TAB2: variants seen among roughly 807,000 people sequenced by gnomAD.
TAB2 encodes TGF-beta-activated kinase 1 and MAP3K7-binding protein 2.
Under a neutral mutation model 65.0 loss-of-function variants are expected in TAB2, and 3 were observed. The ratio of observed to expected loss-of-function variants is 0.05; its 90% confidence interval spans 0.02 to 0.12. TAB2 has a LOEUF of 0.12. Among genes scored for constraint, TAB2 ranks in the 10% least tolerant of loss-of-function variants. TAB2 has a pLI of 1.00. For missense variants in TAB2, 623 were observed against 840.3 expected (o/e 0.74, Z 3.20); for synonymous variants, 298 against 285.1 (o/e 1.05, Z -0.46).
At chr6:149,338,062 CTG>C (rs1021545471) in intron 1 of TAB2, among the ~76,000 whole-genome samples, 1 of 152,142 alleles carries the variant, frequency 6.6e-6, no homozygotes, top group Non-Finnish European at 1.5e-5. Flanking sequence ...CTGAGGCCAG[CTG>C]TGTTTTGGGA....
chr6:149,312,912 A>G (rs1445640424), upstream of TAB2, among the ~76,000 whole-genome samples: 1 of 152,170 alleles, frequency 6.6e-6, no homozygotes, highest in African/African-American at 2.4e-5. Context: ...TATTGTAGTC[A>G]CCATGTTGCA....
At chr6:149,227,198 A>G (rs1777299097) in intron 1 of TAB2, among the ~76,000 whole-genome samples, 1 of 152,202 alleles carries the variant, frequency 6.6e-6, no homozygotes. Flanking sequence ...GAATTACAGA[A>G]AGTAGAAATG....
chr6:149,394,544 T>C (rs1032258233), intron 3 of TAB2, among the ~76,000 whole-genome samples: 5 of 152,202 alleles, frequency 3.3e-5, no homozygotes, highest in African/African-American at 7.2e-5. Context: ...GAGACTAAAG[T>C]AAATGGTATT....
intron 1 of TAB2, among the ~76,000 whole-genome samples, chr6:149,278,418 A>G (rs1372591822): frequency 6.6e-6 from 1 of 152,226 alleles, no homozygotes; most frequent in Non-Finnish European, 1.5e-5. Context: ...AAACAACTGT[A>G]TATGTAACTC....
intron 1 of TAB2, among the ~76,000 whole-genome samples, chr6:149,308,094 A>G (rs1779100559): frequency 6.6e-6 from 1 of 152,218 alleles, no homozygotes; most frequent in Admixed American, 6.5e-5. Context: ...GTACCAATGC[A>G]CCATAATTTA....
intron 1 of TAB2, among the ~76,000 whole-genome samples, chr6:149,269,496 GAA>G (rs919854294): frequency 6.6e-6 from 1 of 151,934 alleles, no homozygotes; most frequent in African/African-American, 2.4e-5. Context: ...TTCAAGTTTT[GAA>G]AAGTGTATAG....
chr6:149,243,214 G>T (rs1310447543), intron 1 of TAB2: 2 of 152,208 alleles, frequency 1.3e-5, no homozygotes, highest in Admixed American at 6.5e-5. Flanking sequence ...CTGCCAGCAC[G>T]GCCTCTGCCT....
intron 1 of TAB2, among the ~76,000 whole-genome samples, chr6:149,233,621 C>T (rs1777445192): frequency 6.6e-6 from 1 of 152,192 alleles, no homozygotes; most frequent in Admixed American, 6.5e-5. Flanking sequence ...ATCTGACATT[C>T]TTCAAATGAA....
At chr6:149,393,809 C>T (rs1445493651) in intron 3 of TAB2, among the ~76,000 whole-genome samples, 1 of 152,012 alleles carries the variant, frequency 6.6e-6, no homozygotes, top group African/African-American at 2.4e-5. Flanking sequence ...AAGTAAAGAA[C>T]ATCTTTATCT....
intron 1 of TAB2, among the ~76,000 whole-genome samples, chr6:149,297,087 C>T (rs1453423233): frequency 6.6e-6 from 1 of 151,546 alleles, no homozygotes; most frequent in Non-Finnish European, 1.5e-5. Flanking sequence ...TCTTCTCCTC[C>T]TCCCTCCTTC....
chr6:149,368,038 T>C (rs142687484), intron 1 of TAB2, among the ~76,000 whole-genome samples: 64 of 152,230 alleles, frequency 4.2e-4, no homozygotes, highest in African/African-American at 1.5e-3. Flanking sequence ...TATATTTGAA[T>C]GAAATTACCT....
intron 6 of TAB2, among the ~76,000 whole-genome samples, chr6:149,406,501 G>T (rs1417443113): frequency 6.6e-6 from 1 of 152,136 alleles, no homozygotes; most frequent in Admixed American, 6.5e-5. Context: ...GTTAAACTGG[G>T]TTTTAGACAA....
chr6:149,279,057 T>C (rs990196730), intron 1 of TAB2, among the ~76,000 whole-genome samples: 3 of 152,250 alleles, frequency 2.0e-5, no homozygotes, highest in Non-Finnish European at 2.9e-5. Context: ...AGTCCATTCC[T>C]TGATTCCAGT....
chr6:149,278,344 C>T (rs1410046089), intron 1 of TAB2, among the ~76,000 whole-genome samples: 1 of 152,128 alleles, frequency 6.6e-6, no homozygotes, highest in Non-Finnish European at 1.5e-5. Flanking sequence ...GAGTTTTAGG[C>T]TGTAAATATA....
intron 2 of TAB2, among the ~76,000 whole-genome samples, chr6:149,373,753 A>G (rs1298528129): frequency 2.0e-5 from 3 of 152,218 alleles, no homozygotes; most frequent in African/African-American, 7.2e-5. Flanking sequence ...TCCACCTTCT[A>G]AAAACTCATA....
chr6:149,283,239 T>C (rs1316483792), intron 1 of TAB2, among the ~76,000 whole-genome samples: 2 of 152,328 alleles, frequency 1.3e-5, no homozygotes, highest in South Asian at 2.1e-4. Context: ...TTTCAGGTTA[T>C]GATCCATGCA....
At position 149,378,503 on chromosome 6, in the gene TAB2, C is replaced by T. The variant is rs758431534; in HGVS notation, c.588C>T (p.His196=). The change falls in exon 3 of 7, where the codon CAC becomes CAT. Residue 196 remains histidine, a synonymous_variant. Transcript: ENST00000637181. The part of the protein sequence containing the change: ...QTGRNTPTSL[H]IHGVPPPVLN... ...GTCGTAATACTCCTACATCTTTGCA[C>T]ATACATGGTGTACCTCCACCTGTAC... The T allele has an allele frequency of 1.5e-5, 24 of 1,614,082 alleles. No homozygotes were observed. Among genetic ancestry groups the T allele is most frequent in the Non-Finnish European group, 1.8e-5 (21 of 1,180,054 alleles).
intron 6 of TAB2, among the ~76,000 whole-genome samples, chr6:149,401,757 T>C (rs1009308742): frequency 7.2e-5 from 11 of 151,852 alleles, no homozygotes; most frequent in African/African-American, 2.7e-4. Flanking sequence ...AAGATAGAAA[T>C]CATTCCACGT....
intron 1 of TAB2, among the ~76,000 whole-genome samples, chr6:149,357,428 AAAACACACAC>A (rs1285192656): frequency 9.2e-5 from 6 of 65,552 alleles, no homozygotes; most frequent in Non-Finnish European, 1.3e-4. Flanking sequence ...GGAGAAAAAA[AAAACACACAC>A]ACACACACAC....
Sources: allele counts gnomAD v4.1 joint callset (sites outside exome capture counted in the v4.1 genomes callset), GRCh38; gene constraint gnomAD v4.1.1; transcripts MANE v1.5; gene names NCBI Gene and HGNC (gene_info 2026-07-23, HGNC 2026-07-21).